Variants in ATP8A2 observed in about 807,000 individuals in gnomAD.
ATP8A2 encodes the protein ATPase phospholipid transporting 8A2.
ATP8A2 carries 100 observed loss-of-function variants against 165.6 expected under a neutral mutation model. The ratio of observed to expected loss-of-function variants is 0.60; its 90% CI spans 0.51 to 0.71. ATP8A2 has a LOEUF of 0.71. Among genes scored for constraint, ATP8A2 ranks in the 30% least tolerant of loss-of-function variants. ATP8A2 has a pLI of 0.00. For missense variants in ATP8A2, 1,227 were observed against 1,479.5 expected (o/e 0.83, Z 2.80); for synonymous variants, 543 against 548.8 (o/e 0.99, Z 0.15).
chr13:25,616,499 T>G (rs2040831217), intron 24 of ATP8A2, among the ~76,000 whole-genome samples: 1 of 151,900 alleles, frequency 6.6e-6, no homozygotes, highest in South Asian at 2.1e-4. Context: ...GCACAGATAA[T>G]TTTGTTATTT....
chr13:25,925,736 T>C (rs1448975364), intron 33 of ATP8A2, among the ~76,000 whole-genome samples: 1 of 151,896 alleles, frequency 6.6e-6, no homozygotes, highest in African/African-American at 2.4e-5. Context: ...CAATCTTTTT[T>C]TTTTTTTTTG....
Position 25,833,343 on chromosome 13 carries a change from G to T in ATP8A2, c.2755-3820G>T, listed in dbSNP as rs147098916. Among the ~76,000 whole-genome samples the T allele has an allele frequency of 4.2e-3, 636 of 152,076 alleles. 3 individuals carry two copies. Among genetic ancestry groups the T allele is most frequent in the African/African-American group, 0.014 (591 of 41,512 alleles). ...GGTGAATGTTTTGGGAGGAAAGGGGGAAGTTGCATAAAGTTATATTAAAAT... is the reference window on the plus strand; with the variant it reads ...GGTGAATGTTTTGGGAGGAAAGGGGTAAGTTGCATAAAGTTATATTAAAAT... On this transcript the variant is annotated intron_variant, in intron 28 of 36. Coordinates refer to ENST00000381655, the MANE Select transcript of ATP8A2 (RefSeq NM_016529.6).
chr13:25,647,915 C>T (rs61947276), intron 24 of ATP8A2, among the ~76,000 whole-genome samples: 2,815 of 152,114 alleles, frequency 0.019, 42 homozygotes, highest in South Asian at 0.05. Context: ...TCTCAAACTC[C>T]TGACCTCAGG....
chr13:25,832,285 A>G (rs1308203047), intron 28 of ATP8A2, among the ~76,000 whole-genome samples: 2 of 152,142 alleles, frequency 1.3e-5, no homozygotes, highest in African/African-American at 4.8e-5. Flanking sequence ...ACGAAGGACC[A>G]ATGCTGCTAG....
intron 2 of ATP8A2, among the ~76,000 whole-genome samples, chr13:25,503,272 G>A (rs1272592667): frequency 6.6e-6 from 1 of 152,192 alleles, no homozygotes. Flanking sequence ...GTGGAAATGG[G>A]TACTGGTTGA....
intron 24 of ATP8A2, among the ~76,000 whole-genome samples, chr13:25,632,331 T>A (rs865821565): frequency 1.3e-5 from 2 of 152,068 alleles, no homozygotes; most frequent in African/African-American, 4.8e-5. Flanking sequence ...CTCCCCTCCC[T>A]GGAGGTTGAG....
At chr13:25,651,465 T>G (rs1380507894) in intron 24 of ATP8A2, among the ~76,000 whole-genome samples, 2 of 152,048 alleles carry the variant, frequency 1.3e-5, no homozygotes, top group Non-Finnish European at 1.5e-5. Context: ...ATTCATACAT[T>G]CTCATTTCTT....
intron 1 of ATP8A2, among the ~76,000 whole-genome samples, chr13:25,446,732 A>G (rs2035079416): frequency 6.6e-6 from 1 of 152,244 alleles, no homozygotes; most frequent in African/African-American, 2.4e-5. Context: ...ATCTGGCTAT[A>G]GCTGAACAAA....
In ATP8A2 at chr13:25,947,280, G is replaced by A. The variant is rs115221234; in HGVS notation, c.3184-14295G>A. ...TAAAATGAAATATCTCATATTCAGGGTATGTTCGTGCATGTACTCTTTCTG... is the reference window on the plus strand; with the variant it reads ...TAAAATGAAATATCTCATATTCAGGATATGTTCGTGCATGTACTCTTTCTG... On this transcript the variant is annotated intron_variant, in intron 33 of 36. Coordinates refer to ENST00000381655, the MANE Select transcript of ATP8A2 (RefSeq NM_016529.6). 5.2e-3 allele frequency among the ~76,000 whole-genome samples: 791 copies of A among 152,234 alleles called. 11 individuals are homozygous for A. The highest frequency in any genetic ancestry group is 0.018 in the African/African-American group (755 of 41,532).
At chr13:25,480,038 G>A (rs2036116688) in intron 2 of ATP8A2, among the ~76,000 whole-genome samples, 1 of 152,206 alleles carries the variant, frequency 6.6e-6, no homozygotes, top group Non-Finnish European at 1.5e-5. Context: ...TGGCCAGGCA[G>A]AGGGGCTCCT....
chr13:25,745,015 A>G (rs1472389851), intron 25 of ATP8A2, among the ~76,000 whole-genome samples: 1 of 151,968 alleles, frequency 6.6e-6, no homozygotes, highest in Non-Finnish European at 1.5e-5. Context: ...ATCTTGGCTC[A>G]CTACAACCTC....
In ATP8A2 at chr13:26,021,327, G is replaced by A. The variant is rs986895270; in HGVS notation, c.*1342G>A. The A allele has an allele frequency of 6.6e-6, 1 of 152,246 alleles. No homozygotes were observed. The highest frequency in any genetic ancestry group is 2.4e-5 in the African/African-American group (1 of 41,446). The allele number at this position is 152,246 out of a possible 1,614,324, so 9.4% of individuals were successfully genotyped here. A position where few individuals can be genotyped will look rare whatever the true frequency, so the allele number is the denominator to read the frequency against. ...TTGTCATGATCAGCCCAGTGTGTAT[G>A]AGAGCTTAAACAAGACCTTCACACA... On this transcript the variant is annotated 3_prime_UTR_variant, in exon 37 of 37. Transcript: ENST00000381655.
At chr13:25,681,299 C>A (rs1055526041) in intron 24 of ATP8A2, among the ~76,000 whole-genome samples, 1 of 152,178 alleles carries the variant, frequency 6.6e-6, no homozygotes, top group Admixed American at 6.5e-5. Context: ...ATTTGTTAGC[C>A]TGGAGCTTCT....
intron 34 of ATP8A2, among the ~76,000 whole-genome samples, chr13:25,966,450 G>A (rs1460284924): frequency 1.3e-5 from 2 of 152,106 alleles, no homozygotes; most frequent in Non-Finnish European, 2.9e-5. Context: ...TCTAATTCAG[G>A]CGTTATTAGA....
intron 33 of ATP8A2, among the ~76,000 whole-genome samples, chr13:25,921,621 C>CAA (rs11316144): frequency 5.1e-5 from 6 of 117,698 alleles, no homozygotes; most frequent in African/African-American, 1.3e-4. Context: ...GACTCTGTCT[C>CAA]AAAAAAAAAA....
chr13:26,011,245 C>T (rs1364632150), intron 35 of ATP8A2, among the ~76,000 whole-genome samples: 1 of 152,198 alleles, frequency 6.6e-6, no homozygotes, highest in Non-Finnish European at 1.5e-5. Flanking sequence ...GAAGTCCATA[C>T]TCGAGCTACT....
chr13:25,948,703 T>G (rs1955272240), intron 33 of ATP8A2, among the ~76,000 whole-genome samples: 1 of 152,090 alleles, frequency 6.6e-6, no homozygotes, highest in Non-Finnish European at 1.5e-5. Flanking sequence ...GCAGAGAGCT[T>G]GATCACACTC....
At chr13:25,999,366 G>T (rs534710788) in intron 35 of ATP8A2, among the ~76,000 whole-genome samples, 1 of 152,178 alleles carries the variant, frequency 6.6e-6, no homozygotes, top group Middle Eastern at 3.4e-3. Flanking sequence ...ACCTCTCTCT[G>T]GTCCCCTGTC....
At chr13:25,705,247 A>C in intron 25 of ATP8A2, 1 of 372,172 alleles carries the variant, frequency 2.7e-6, no homozygotes, top group South Asian at 2.0e-5. Context: ...AACACTCAGA[A>C]ATCTTTAAAG....
Sources: allele counts gnomAD v4.1 joint callset (sites outside exome capture counted in the v4.1 genomes callset), GRCh38; gene constraint gnomAD v4.1.1; transcripts MANE v1.5; gene names NCBI Gene and HGNC (gene_info 2026-07-23, HGNC 2026-07-21).